ENOX2: variants seen among roughly 807,000 people sequenced by gnomAD.
ENOX2 encodes the protein APK1 antigen.
In ENOX2, 36 loss-of-function variants were observed where a neutral mutation model predicts 45.0. The ratio of observed to expected loss-of-function variants is 0.80; its 90% CI spans 0.61 to 1.06. ENOX2 has a LOEUF of 1.06. ENOX2 is among the 50% of genes least tolerant of loss of function. The pLI is 0.00. For synonymous variants in ENOX2, 174 were observed against 152.3 expected, an observed-to-expected ratio of 1.14 and a Z score of -1.05; for missense variants, 423 against 462.5, an observed-to-expected ratio of 0.91 and a Z score of 0.78.
intron 2 of ENOX2, among the ~76,000 whole-genome samples, chrX:130,842,357 C>A (rs2078028461): frequency 8.9e-6 from 1 of 112,371 alleles, no homozygotes; most frequent in South Asian, 3.7e-4. Flanking sequence ...CTTATTTATT[C>A]TTTTTATGAT....
At chrX:130,875,041 C>A (rs1382035960) in intron 2 of ENOX2, among the ~76,000 whole-genome samples, 17 of 111,603 alleles carry the variant, frequency 1.5e-4, no homozygotes, top group Admixed American at 1.5e-3. Flanking sequence ...TTTTGGTTGT[C>A]TTATATTACA....
chrX:130,727,994 C>T (rs750510495), intron 3 of ENOX2, among the ~76,000 whole-genome samples: 1 of 111,353 alleles, frequency 9.0e-6, no homozygotes, highest in South Asian at 3.8e-4. Flanking sequence ...GGTTCTGGGC[C>T]CTTTATATAT....
rs187543447 is a variant in ENOX2 at position 130,655,976 on chromosome X, A to G, written c.1129+605T>C. 2.7e-5 allele frequency among the ~76,000 whole-genome samples: 3 copies of G among 111,729 alleles called. No individual in the cohort carries two copies. The East Asian group carries it at 8.4e-4, about 31-fold the overall frequency. The stretch of plus-strand genomic sequence containing the variant: ...TATAATGTACTCCTTACAAGTGTGG[A>G]AGCTGAGGCTCAGTGGGGAAGAAGT... On this transcript the variant is annotated intron_variant, in intron 10 of 14. Coordinates refer to ENST00000394363, the MANE Select transcript of ENOX2 (RefSeq NM_006375.4).
At chrX:130,732,004 G>A (rs1343548007) in intron 3 of ENOX2, among the ~76,000 whole-genome samples, 2 of 111,908 alleles carry the variant, frequency 1.8e-5, no homozygotes, top group Non-Finnish European at 3.8e-5. Flanking sequence ...ACTAGCCAGA[G>A]CAATTAGGCA....
At chrX:130,882,135 G>A (rs1355565234) in intron 2 of ENOX2, among the ~76,000 whole-genome samples, 1 of 111,203 alleles carries the variant, frequency 9.0e-6, no homozygotes, top group Non-Finnish European at 1.9e-5. Flanking sequence ...TGGAGATAAG[G>A]AAGGATGGCA....
At chrX:130,758,767 A>G (rs749045735) in intron 3 of ENOX2, among the ~76,000 whole-genome samples, 23 of 111,811 alleles carry the variant, frequency 2.1e-4, no homozygotes, top group Non-Finnish European at 4.1e-4. Flanking sequence ...GCCATTCTGA[A>G]AGGTGATATC....
chrX:130,897,947 T>TG (rs1449163143), intron 2 of ENOX2, among the ~76,000 whole-genome samples: 2 of 111,627 alleles, frequency 1.8e-5, no homozygotes, highest in Non-Finnish European at 3.8e-5. Context: ...GCATGTGTGT[T>TG]GGGGGGTGGA....
chrX:130,629,113 T>G (rs1315131491), intron 13 of ENOX2, among the ~76,000 whole-genome samples: 1 of 112,077 alleles, frequency 8.9e-6, no homozygotes, highest in Non-Finnish European at 1.9e-5. Flanking sequence ...GGGGAAGGGT[T>G]CCAGAAGGAA....
At chrX:130,898,447 C>T (rs1452531149) in intron 2 of ENOX2, among the ~76,000 whole-genome samples, 2 of 111,809 alleles carry the variant, frequency 1.8e-5, no homozygotes, top group African/African-American at 6.5e-5. Context: ...TTTACCATTA[C>T]AGGATTTTTC....
intron 3 of ENOX2, among the ~76,000 whole-genome samples, chrX:130,756,005 C>A (rs1339417125): frequency 1.8e-5 from 2 of 111,275 alleles, no homozygotes; most frequent in East Asian, 5.6e-4. Context: ...AATTTTTATC[C>A]TCAAAAGTTG....
chrX:130,790,189 C>T (rs1021526923), intron 2 of ENOX2, among the ~76,000 whole-genome samples: 1 of 112,448 alleles, frequency 8.9e-6, no homozygotes, highest in Admixed American at 9.4e-5. Context: ...AGAAAGAAAA[C>T]GGAAAAGTCC....
intron 6 of ENOX2, among the ~76,000 whole-genome samples, chrX:130,675,644 A>G (rs1021646455): frequency 8.9e-6 from 1 of 111,920 alleles, no homozygotes; most frequent in Non-Finnish European, 1.9e-5. Flanking sequence ...AGCATACACA[A>G]TGTGTGATTC....
chrX:130,779,506 T>C (rs1467520032), intron 3 of ENOX2, among the ~76,000 whole-genome samples: 2 of 111,264 alleles, frequency 1.8e-5, no homozygotes, highest in Admixed American at 9.6e-5. Context: ...AGGTATTTTT[T>C]TTTTTCACAA....
chrX:130,628,205 A>G (rs1399205873), intron 13 of ENOX2, among the ~76,000 whole-genome samples, 162 bp from the exon 14 acceptor site: 3 of 112,305 alleles, frequency 2.7e-5, no homozygotes, highest in Non-Finnish European at 5.6e-5. Flanking sequence ...TAATAATCCC[A>G]TGAGGTGTGT....
chrX:130,680,169 T>C (rs2037264523), intron 5 of ENOX2, among the ~76,000 whole-genome samples: 2 of 112,360 alleles, frequency 1.8e-5, no homozygotes, highest in Non-Finnish European at 3.7e-5. Context: ...ATTCAGATTG[T>C]AGTTACTACA....
intron 3 of ENOX2, among the ~76,000 whole-genome samples, chrX:130,727,847 G>A (rs955616345): frequency 5.4e-5 from 6 of 111,823 alleles, no homozygotes; most frequent in African/African-American, 1.6e-4. Flanking sequence ...CTCAGAATAC[G>A]AGCTAGGGCT....
At chrX:130,774,809 A>G (rs973594130) in intron 3 of ENOX2, among the ~76,000 whole-genome samples, 23 of 112,462 alleles carry the variant, frequency 2.0e-4, no homozygotes, top group Non-Finnish European at 5.6e-5. Context: ...TAAAATATAA[A>G]TGTAACACAT....
At chrX:130,779,670 AG>A (rs2039929211) in intron 3 of ENOX2, among the ~76,000 whole-genome samples, 1 of 111,924 alleles carries the variant, frequency 8.9e-6, no homozygotes, top group Admixed American at 9.5e-5. Flanking sequence ...AGAAAATAAT[AG>A]GGAATATAAA....
chrX:130,651,233 C>T (rs2036391175), intron 10 of ENOX2, among the ~76,000 whole-genome samples: 1 of 112,010 alleles, frequency 8.9e-6, no homozygotes, highest in Admixed American at 9.4e-5. Context: ...TTATTGTCAC[C>T]ATTCCAACCA....
Sources: gnomAD v4.1 joint callset for allele counts (sites outside exome capture counted in the v4.1 genomes callset) on GRCh38, gnomAD v4.1.1 for gene constraint, MANE v1.5 for transcripts, NCBI Gene and HGNC (gene_info 2026-07-23, HGNC 2026-07-21) for gene names.